CPED1: variants seen among roughly 807,000 people sequenced by gnomAD.
The protein encoded by CPED1 is cadherin like and PC-esterase domain containing 1.
Under a neutral mutation model 128.2 loss-of-function variants are expected in CPED1, and 114 were observed. The ratio of observed to expected loss-of-function variants is 0.89; its 90% CI spans 0.76 to 1.04. The LOEUF is 1.04. Among genes scored for constraint, CPED1 ranks in the 50% least tolerant of loss-of-function variants. The pLI is 0.00. For synonymous variants in CPED1, 462 were observed against 426.7 expected (o/e 1.08, Z -1.02); for missense variants, 1,211 against 1,207.1 (o/e 1.00, Z -0.05).
At chr7:121,289,257 T>C (rs952932476) in intron 22 of CPED1, among the ~76,000 whole-genome samples, 10 of 152,194 alleles carry the variant, frequency 6.6e-5, no homozygotes, top group African/African-American at 2.2e-4. Context: ...TTCTTTGGGG[T>C]TAGCAGAGTA....
chr7:121,223,699 G>A (rs541803702), intron 16 of CPED1, among the ~76,000 whole-genome samples: 1 of 152,122 alleles, frequency 6.6e-6, no homozygotes, highest in Admixed American at 6.5e-5. Context: ...AGTTGTATAT[G>A]TCCAGGAATT....
At chr7:121,028,672 T>C (rs1421187381) in intron 3 of CPED1, among the ~76,000 whole-genome samples, 1 of 152,188 alleles carries the variant, frequency 6.6e-6, no homozygotes, top group Non-Finnish European at 1.5e-5. Flanking sequence ...AGAAGCAAGA[T>C]GATACTGTGG....
At chr7:121,244,867 A>T (rs1263547240) in intron 18 of CPED1, among the ~76,000 whole-genome samples, 2 of 152,022 alleles carry the variant, frequency 1.3e-5, no homozygotes, top group Admixed American at 6.6e-5. Flanking sequence ...CACTAGGCTG[A>T]TTTTTCCTTT....
chr7:121,017,378 A>G (rs1197989755), intron 3 of CPED1, among the ~76,000 whole-genome samples: 2 of 152,236 alleles, frequency 1.3e-5, no homozygotes, highest in South Asian at 2.1e-4. Context: ...AGACCAATCT[A>G]GAGTCCTGGG....
Position 121,206,544 on chromosome 7 carries a change from G to A in CPED1, c.2056-30170G>A, listed in dbSNP as rs533868560. Among the ~76,000 whole-genome samples, 3 of 151,872 alleles carry A rather than the reference G, an allele frequency of 2.0e-5. No homozygotes were observed. In the South Asian group the frequency reaches 6.2e-4, roughly 32 times the overall value. On this transcript the variant is annotated intron_variant, in intron 16 of 22. Coordinates refer to ENST00000310396, the MANE Select transcript of CPED1 (RefSeq NM_024913.5). ...TACAAAATGTATGTAATAAATCACTGCATGTTCTTTCTAATCTTGCCCCAG... is the reference window on the plus strand; with the variant it reads ...TACAAAATGTATGTAATAAATCACTACATGTTCTTTCTAATCTTGCCCCAG...
At chr7:121,135,978 GTA>G in intron 13 of CPED1, 60 bp from the exon 14 acceptor site, 1 of 1,251,830 alleles carries the variant, frequency 8.0e-7, no homozygotes, top group East Asian at 3.0e-5. Context: ...ATAGCTAAAT[GTA>G]TATTTTAACA....
In CPED1 at chr7:121,128,522, A is replaced by C. The variant is rs749998419; in HGVS notation, c.1407+36A>C. On this transcript the variant is annotated intron_variant, in intron 11 of 22. Coordinates refer to ENST00000310396, the MANE Select transcript of CPED1 (RefSeq NM_024913.5). ...AGTGACATTTGATTCTTTCTTGGTG[A>C]CTGGGATTAGAGTAGATCACTGTAA... is the stretch of plus-strand genomic sequence containing the variant. 2.7e-6 allele frequency: 3 copies of C among 1,107,200 alleles called. No individual in the cohort carries two copies. The South Asian group carries it at 3.7e-5, about 14-fold the overall frequency. 68.6% of individuals were successfully genotyped at this position (1,107,200 alleles called of 1,614,324 possible). A position where few individuals can be genotyped will look rare whatever the true frequency, so the allele number is the denominator to read the frequency against.
chr7:121,219,732 A>G (rs1797836455), intron 16 of CPED1, among the ~76,000 whole-genome samples: 1 of 152,084 alleles, frequency 6.6e-6, no homozygotes, highest in Admixed American at 6.6e-5. Flanking sequence ...TATCCATTCC[A>G]AACATAAACA....
chr7:121,191,066 CA>C (rs1797125744), intron 16 of CPED1, among the ~76,000 whole-genome samples: 1 of 151,916 alleles, frequency 6.6e-6, no homozygotes, highest in Non-Finnish European at 1.5e-5. Context: ...AGGTAAAGGC[CA>C]TGTGGTTATA....
intron 17 of CPED1, among the ~76,000 whole-genome samples, chr7:121,241,422 CT>C (rs1418001596): frequency 7.2e-6 from 1 of 139,708 alleles, no homozygotes; most frequent in Non-Finnish European, 1.6e-5. Flanking sequence ...AAAATAAGCA[CT>C]TTTGAGGAAG....
At chr7:121,209,131 A>G (rs1252870598) in intron 16 of CPED1, among the ~76,000 whole-genome samples, 2 of 152,010 alleles carry the variant, frequency 1.3e-5, no homozygotes, top group Non-Finnish European at 2.9e-5. Flanking sequence ...ATGGATGACA[A>G]TTGCTTCCAT....
At chr7:121,204,894 G>T (rs1383380555) in intron 16 of CPED1, among the ~76,000 whole-genome samples, 2 of 152,170 alleles carry the variant, frequency 1.3e-5, no homozygotes, top group Admixed American at 1.3e-4. Context: ...GCAGAAAACG[G>T]TCAGATAAAT....
intron 5 of CPED1, among the ~76,000 whole-genome samples, chr7:121,064,817 G>A (rs1273049046): frequency 2.0e-5 from 3 of 152,086 alleles, no homozygotes; most frequent in East Asian, 1.9e-4. Context: ...ACCATCTTCA[G>A]TTTCCTCATA....
intron 17 of CPED1, among the ~76,000 whole-genome samples, chr7:121,241,868 A>C (rs1163352959): frequency 2.0e-5 from 3 of 152,226 alleles, no homozygotes; most frequent in African/African-American, 7.2e-5. Context: ...AAATTTAATC[A>C]TGAAAAGATT....
chr7:121,067,537 A>C (rs566339388), intron 5 of CPED1, among the ~76,000 whole-genome samples: 1 of 152,094 alleles, frequency 6.6e-6, no homozygotes, highest in African/African-American at 2.4e-5. Flanking sequence ...GCTTGGTTCC[A>C]AGTCTTTGCT....
chr7:121,248,424 C>T (rs552328929), intron 18 of CPED1, among the ~76,000 whole-genome samples: 1 of 152,164 alleles, frequency 6.6e-6, no homozygotes, highest in South Asian at 2.1e-4. Flanking sequence ...GAGGAGGTGA[C>T]CTCTCTCCCC....
intron 4 of CPED1, among the ~76,000 whole-genome samples, chr7:121,057,697 T>C (rs1178126834): frequency 6.6e-6 from 1 of 152,216 alleles, no homozygotes; most frequent in Non-Finnish European, 1.5e-5. Context: ...ATTCATTCAT[T>C]TATTCATCTA....
chr7:121,115,031 T>G (rs1795203740), intron 7 of CPED1, among the ~76,000 whole-genome samples: 1 of 152,192 alleles, frequency 6.6e-6, no homozygotes. Flanking sequence ...CATATCCTTT[T>G]GTAAATGTTG....
Position 121,124,364 on chromosome 7 carries a change from A to C in CPED1, c.952A>C (p.Ser318Arg). Residue 318 changes from serine to arginine, a missense_variant, in exon 8 of 23, where the codon AGT (serine) becomes CGT (arginine). By Grantham distance (110) the Ser-to-Arg change is moderately radical (BLOSUM62 -1). Coordinates refer to ENST00000310396, the MANE Select transcript of CPED1 (RefSeq NM_024913.5). ...ATTTTTTGAGACATTCCTGAGAGCCAGTTCACCTCAACAGGCTTTTGACAT... is the reference window on the plus strand; with the variant it reads ...ATTTTTTGAGACATTCCTGAGAGCCCGTTCACCTCAACAGGCTTTTGACAT... ...QTFFETFLRASSPQQAFDIMK... is the reference protein window; with the variant it reads ...QTFFETFLRARSPQQAFDIMK... 6.2e-7 allele frequency: 1 copy of C among 1,610,182 alleles called. No individual in the cohort carries two copies. The highest frequency in any genetic ancestry group is 1.1e-5 in the South Asian group (1 of 90,570).
Sources: allele counts gnomAD v4.1 joint callset (sites outside exome capture counted in the v4.1 genomes callset), GRCh38; gene constraint gnomAD v4.1.1; transcripts MANE v1.5; gene names NCBI Gene and HGNC (gene_info 2026-07-23, HGNC 2026-07-21).